Variants in PRELID2 observed in about 807,000 individuals in gnomAD.
PRELID2 encodes PRELI domain containing 2.
Under a neutral mutation model 28.4 loss-of-function variants are expected in PRELID2, and 25 were observed. The ratio of observed to expected loss-of-function variants is 0.88; its 90% CI spans 0.64 to 1.23. PRELID2 has a LOEUF of 1.23. Ranked by LOEUF, PRELID2 falls within the 50% of genes most tolerant of loss-of-function variation. PRELID2 has a pLI of 0.00. For missense variants in PRELID2, 201 were observed against 214.4 expected (o/e 0.94, Z 0.39); for synonymous variants, 76 against 71.6 (o/e 1.06, Z -0.31).
chr5:145,320,817 T>C, the PRELID2 span, among the ~76,000 whole-genome samples: 2 of 152,340 alleles, frequency 1.3e-5, no homozygotes, highest in East Asian at 3.9e-4. Context: ...ACTATATTTA[T>C]GTGTGCAATC....
chr5:145,729,167 C>T, intron 1 of PRELID2: 1 of 658,126 alleles, frequency 1.5e-6, no homozygotes, highest in Non-Finnish European at 2.7e-6. Context: ...TCAAGTCCTT[C>T]AAAGTATCAT....
At chr5:145,301,983 T>C in the PRELID2 span, among the ~76,000 whole-genome samples, 1 of 150,762 alleles carries the variant, frequency 6.6e-6, no homozygotes, top group Non-Finnish European at 1.5e-5. Flanking sequence ...TCAAATAATT[T>C]TAGACTCAGA....
chr5:145,586,107 G>C (rs148722622), intron 1 of PRELID2, among the ~76,000 whole-genome samples: 80 of 151,964 alleles, frequency 5.3e-4, no homozygotes, highest in African/African-American at 1.7e-3. Flanking sequence ...TTTCTTATAA[G>C]AAAAAGTCAT....
chr5:145,750,498 A>G (rs1757097708), intron 1 of PRELID2, among the ~76,000 whole-genome samples: 1 of 152,142 alleles, frequency 6.6e-6, no homozygotes, highest in Admixed American at 6.6e-5. Context: ...CCATTGCTCA[A>G]AAAATATTGG....
the PRELID2 span, among the ~76,000 whole-genome samples, chr5:145,412,672 C>A: frequency 6.6e-6 from 1 of 152,192 alleles, no homozygotes; most frequent in African/African-American, 2.4e-5. Context: ...ACTGTTTACA[C>A]ATTTCAGGTG....
chr5:145,835,242 A>G lies in PRELID2; in HGVS notation c.10T>C (p.Ser4Pro). 1 of 1,547,600 alleles carries G rather than the reference A, an allele frequency of 6.5e-7. No homozygotes were observed. The highest frequency in any genetic ancestry group is 8.7e-7 in the Non-Finnish European group (1 of 1,144,528). Residue 4 changes from serine (S) to proline (P), a missense_variant, in exon 1 of 7, where the codon TCG (serine) becomes CCG (proline). By Grantham distance (74) the Ser-to-Pro change is moderately conservative. Coordinates refer to ENST00000683046, the MANE Select transcript of PRELID2 (RefSeq NM_205846.3). ...TTGTACACCTGGTGCACATCCACCG[A>G]GACCCCCATCCCCGCGCGCCGCGGG... MGV[S>P]VDVHQVYKYP...
intron 1 of PRELID2, among the ~76,000 whole-genome samples, chr5:145,639,646 T>C (rs76242346): frequency 0.02 from 3,061 of 152,270 alleles, 108 homozygotes; most frequent in African/African-American, 0.07. Flanking sequence ...CTTTTTCCTA[T>C]TCAATGCGAT....
chr5:145,385,970 G>C, the PRELID2 span, among the ~76,000 whole-genome samples: 1 of 151,988 alleles, frequency 6.6e-6, no homozygotes, highest in Non-Finnish European at 1.5e-5. Context: ...ATGTGTCAAG[G>C]GAGGGACAAC....
At chr5:145,434,053 G>A in the PRELID2 span, among the ~76,000 whole-genome samples, 3 of 152,148 alleles carry the variant, frequency 2.0e-5, no homozygotes, top group Admixed American at 1.3e-4. Flanking sequence ...TGGCTGTAGA[G>A]AGGGTCTTGA....
intron 5 of PRELID2, among the ~76,000 whole-genome samples, chr5:145,794,335 T>C (rs1752593830): frequency 6.6e-6 from 1 of 152,210 alleles, no homozygotes; most frequent in Non-Finnish European, 1.5e-5. Context: ...AAGTGGTTTC[T>C]GTTACTTGCA....
rs747362661 is a variant in PRELID2 at position 145,819,946 on chromosome 5, T to G, written c.206A>C (p.Lys69Thr). 1 of 1,575,242 alleles carries G rather than the reference T, an allele frequency of 6.3e-7. No homozygotes were observed. The change falls in exon 3 of 7, where the codon AAG (lysine) becomes ACG (threonine). Residue 69 changes from lysine to threonine, a missense_variant and splice_region_variant. Transcript: ENST00000683046. ...GATTACATTTTAAAATGAACTTACC[T>G]TCCTTAAAATTTCTGGAACCACGTT... ...CQNVVPEILR[K>T]VSILKVPNIQ...
chr5:145,703,667 T>G lies in PRELID2; in HGVS notation n.70+61264A>C, dbSNP rs557893752. The stretch of plus-strand genomic sequence containing the variant: ...ATTACAGTCTAATCCTTGAACTTTG[T>G]GACAGATCAACTCCACACCAAAATC... On this transcript the variant is annotated intron_variant and non_coding_transcript_variant, in intron 1 of 2. Transcript: ENST00000510259. 3.3e-5 allele frequency among the ~76,000 whole-genome samples: 5 copies of G among 152,298 alleles called. No homozygotes were observed. In the East Asian group the frequency reaches 7.7e-4, roughly 24 times the overall value.
Position 145,740,829 on chromosome 5 carries a change from T to TATATATTTATCTATAAATATATGTAC in PRELID2, n.70+24101_70+24102insGTACATATATTTATAGATAAATATAT, listed in dbSNP as rs1561566787. On this transcript the variant is annotated intron_variant and non_coding_transcript_variant, in intron 1 of 2. Transcript: ENST00000510259. ...TATATACATTATACATATATACAAA[T>TATATATTTATCTATAAATATATGTAC]ATATATTTATCGATAAATATATATG... is the stretch of plus-strand genomic sequence containing the variant. Among the ~76,000 whole-genome samples, 4 of 86,052 alleles carry TATATATTTATCTATAAATATATGTAC rather than the reference T, an allele frequency of 4.6e-5. 1 individual carries two copies. Among genetic ancestry groups the TATATATTTATCTATAAATATATGTAC allele is most frequent in the African/African-American group, 2.1e-4 (4 of 19,434 alleles). The allele number at this position is 86,052 out of a possible 152,430, so 56.5% of individuals were successfully genotyped here.
At chr5:145,711,409 TG>T (rs1755691438) in intron 1 of PRELID2, among the ~76,000 whole-genome samples, 1 of 152,012 alleles carries the variant, frequency 6.6e-6, no homozygotes, top group African/African-American at 2.4e-5. Context: ...CTTGGTGAAG[TG>T]GTGAAATGAG....
chr5:145,431,025 T>G, the PRELID2 span, among the ~76,000 whole-genome samples: 29 of 146,950 alleles, frequency 2.0e-4, 1 homozygote, highest in African/African-American at 6.8e-4. Flanking sequence ...TTTTTTTTTT[T>G]TTTTTTTTTT....
intron 1 of PRELID2, among the ~76,000 whole-genome samples, chr5:145,531,108 G>A (rs1752651703): frequency 6.6e-6 from 1 of 152,206 alleles, no homozygotes; most frequent in African/African-American, 2.4e-5. Context: ...CCCTGAGAGG[G>A]CTCTTTGATC....
At chr5:145,529,857 C>A (rs1351539724) in intron 1 of PRELID2, among the ~76,000 whole-genome samples, 4 of 152,164 alleles carry the variant, frequency 2.6e-5, no homozygotes, top group Non-Finnish European at 2.9e-5. Flanking sequence ...CTGATCCCTA[C>A]CTACTTAGTG....
At chr5:145,580,715 T>A (rs1244212100) in intron 1 of PRELID2, among the ~76,000 whole-genome samples, 4 of 152,014 alleles carry the variant, frequency 2.6e-5, no homozygotes, top group Non-Finnish European at 5.9e-5. Context: ...TTCATGAATA[T>A]CCTGAGAACC....
At chr5:145,405,422 T>G in the PRELID2 span, among the ~76,000 whole-genome samples, 4 of 152,298 alleles carry the variant, frequency 2.6e-5, no homozygotes, top group East Asian at 7.7e-4. Flanking sequence ...AAAAGAGGTT[T>G]AATTGGCTCA....
Sources: allele counts gnomAD v4.1 joint callset (sites outside exome capture counted in the v4.1 genomes callset), GRCh38; gene constraint gnomAD v4.1.1; transcripts MANE v1.5; gene names NCBI Gene and HGNC (gene_info 2026-07-23, HGNC 2026-07-21).